LRP1B: variants seen among roughly 807,000 people sequenced by gnomAD.
LRP1B encodes the protein low-density lipoprotein receptor-related protein 1B.
In LRP1B, 217 loss-of-function variants were observed where a neutral mutation model predicts 556.6. The ratio of observed to expected loss-of-function variants is 0.39; its 90% CI spans 0.35 to 0.44. The LOEUF (loss-of-function observed/expected upper bound fraction) is 0.44. Ranked by LOEUF, LRP1B falls within the 20% of genes least tolerant of loss-of-function variation. LRP1B has a pLI of 1.00. For synonymous variants in LRP1B, 2,047 were observed against 1,865.8 expected (o/e 1.10, Z -2.50); for missense variants, 5,053 against 5,620.8 (o/e 0.90, Z 3.23).
At chr2:141,405,585 T>C (rs1690603506) in intron 3 of LRP1B, among the ~76,000 whole-genome samples, 1 of 152,082 alleles carries the variant, frequency 6.6e-6, no homozygotes, top group Admixed American at 6.5e-5. Flanking sequence ...GGAGCCAAAA[T>C]TATCAACAAA....
chr2:140,920,288 T>C (rs960377600), intron 21 of LRP1B, among the ~76,000 whole-genome samples: 5 of 152,066 alleles, frequency 3.3e-5, no homozygotes, highest in Admixed American at 2.0e-4. Flanking sequence ...CTGACTGTTA[T>C]ATTGTACTTG....
At chr2:141,341,279 C>T (rs1387386784) in intron 3 of LRP1B, among the ~76,000 whole-genome samples, 1 of 152,108 alleles carries the variant, frequency 6.6e-6, no homozygotes, top group African/African-American at 2.4e-5. Flanking sequence ...AATGTCATAC[C>T]CATGTATGGA....
At chr2:141,162,654 A>C (rs550170958) in intron 7 of LRP1B, among the ~76,000 whole-genome samples, 1 of 152,226 alleles carries the variant, frequency 6.6e-6, no homozygotes, top group African/African-American at 2.4e-5. Flanking sequence ...AACACAAAAT[A>C]ACTAAAGAGA....
chr2:140,657,957 A>G (rs1163644823), intron 41 of LRP1B, among the ~76,000 whole-genome samples: 1 of 152,066 alleles, frequency 6.6e-6, no homozygotes, highest in Non-Finnish European at 1.5e-5. Context: ...AAACTGATCC[A>G]TGGGCCCAAG....
chr2:141,279,698 G>A (rs191426035), intron 3 of LRP1B, among the ~76,000 whole-genome samples: 269 of 152,188 alleles, frequency 1.8e-3, no homozygotes, highest in African/African-American at 6.1e-3. Context: ...TCTCAACGAA[G>A]ATGTGATTCA....
chr2:140,879,501 G>T lies in LRP1B; in HGVS notation c.4169+4316C>A, dbSNP rs6745979. 1.9e-3 allele frequency among the ~76,000 whole-genome samples: 292 copies of T among 152,174 alleles called. 2 individuals carry two copies. The highest frequency in any genetic ancestry group is 6.7e-3 in the African/African-American group (279 of 41,550). ...CACTTTTTATAAATAACATGTTATA[G>T]AATTAGTCACCCTAGAAGTGTTCTT... On this transcript the variant is annotated intron_variant, in intron 25 of 90. Transcript: ENST00000389484.
intron 3 of LRP1B, among the ~76,000 whole-genome samples, chr2:141,384,549 C>T (rs1573883905): frequency 6.6e-6 from 1 of 151,934 alleles, no homozygotes; most frequent in East Asian, 1.9e-4. Context: ...GTTGGTCTCC[C>T]CTGTGTGAGA....
chr2:140,914,821 C>G (rs1490636612), intron 21 of LRP1B, among the ~76,000 whole-genome samples: 1 of 152,058 alleles, frequency 6.6e-6, no homozygotes, highest in Non-Finnish European at 1.5e-5. Flanking sequence ...GGAAATGCAG[C>G]AGGGTTAAGT....
intron 1 of LRP1B, among the ~76,000 whole-genome samples, chr2:142,118,594 A>G (rs952335033): frequency 1.3e-5 from 2 of 152,158 alleles, no homozygotes; most frequent in Non-Finnish European, 2.9e-5. Flanking sequence ...ACCTGTTCCC[A>G]TAGTACTTTC....
At chr2:140,635,213 A>G (rs545138242) in intron 41 of LRP1B, among the ~76,000 whole-genome samples, 75 of 152,196 alleles carry the variant, frequency 4.9e-4, no homozygotes, top group Non-Finnish European at 8.8e-4. Context: ...TAAAACAAGG[A>G]TAGTAGAAAA....
At chr2:141,350,127 A>T (rs1409220929) in intron 3 of LRP1B, among the ~76,000 whole-genome samples, 4 of 151,952 alleles carry the variant, frequency 2.6e-5, no homozygotes, top group Non-Finnish European at 4.4e-5. Context: ...GGGAAGACTC[A>T]CCCCCGTGAT....
chr2:141,048,263 G>A (rs1019740569), intron 11 of LRP1B, among the ~76,000 whole-genome samples: 1 of 152,062 alleles, frequency 6.6e-6, no homozygotes, highest in African/African-American at 2.4e-5. Context: ...GCCTAAAAAT[G>A]ACTGGCAGCC....
In LRP1B at chr2:141,845,113, G is replaced by C. The variant is rs1226006600; in HGVS notation, c.83-34712C>G. On this transcript the variant is annotated intron_variant, in intron 1 of 90. Coordinates refer to ENST00000389484, the MANE Select transcript of LRP1B (RefSeq NM_018557.3). ...CTGTAAATAATTCAGTACTGTTATG[G>C]TCTTCATTTTCAGGAAAAAAAAAAT... Among the ~76,000 whole-genome samples the C allele has an allele frequency of 3.5e-5, 5 of 143,770 alleles. 1 individual carries two copies. In the Admixed American group the frequency reaches 3.6e-4, roughly 10 times the overall value. 94.3% of individuals were successfully genotyped at this position (143,770 alleles called of 152,430 possible).
chr2:141,330,166 T>C (rs1341379735), intron 3 of LRP1B, among the ~76,000 whole-genome samples: 1 of 152,198 alleles, frequency 6.6e-6, no homozygotes, highest in Non-Finnish European at 1.5e-5. Flanking sequence ...TTGCACAAAT[T>C]TGAACTTAGT....
chr2:141,820,871 C>A (rs569766863), intron 1 of LRP1B, among the ~76,000 whole-genome samples: 1 of 152,316 alleles, frequency 6.6e-6, no homozygotes, highest in South Asian at 2.1e-4. Flanking sequence ...AGATCACATC[C>A]TAATTCCTGG....
At chr2:141,045,055 C>T (rs1306142320) in intron 11 of LRP1B, among the ~76,000 whole-genome samples, 113 of 151,446 alleles carry the variant, frequency 7.5e-4, no homozygotes, top group African/African-American at 2.0e-3. Context: ...ATTAAGAAAA[C>T]GTGGCACATA....
intron 57 of LRP1B, among the ~76,000 whole-genome samples, chr2:140,489,192 G>A (rs962374375): frequency 1.3e-5 from 2 of 151,870 alleles, no homozygotes; most frequent in African/African-American, 2.4e-5. Context: ...TAAAATCATA[G>A]GTTCAAATTT....
chr2:140,269,479 C>A (rs768619120), intron 86 of LRP1B: 9 of 417,684 alleles, frequency 2.2e-5, no homozygotes, highest in African/African-American at 1.9e-4. Context: ...AACATTCAAA[C>A]GAAAAGGTTC....
At chr2:140,546,909 T>A (rs890933322) in intron 43 of LRP1B, among the ~76,000 whole-genome samples, 2 of 152,096 alleles carry the variant, frequency 1.3e-5, no homozygotes, top group African/African-American at 4.8e-5. Flanking sequence ...ATTGAGATAA[T>A]CATGTGTTTT....
Sources: gnomAD v4.1 joint callset for allele counts (sites outside exome capture counted in the v4.1 genomes callset) on GRCh38, gnomAD v4.1.1 for gene constraint, MANE v1.5 for transcripts, NCBI Gene and HGNC (gene_info 2026-07-23, HGNC 2026-07-21) for gene names.